The following AFF2 variants were observed in gnomAD, a reference collection of about 807,000 sequenced individuals.
The protein encoded by AFF2 is AF4/FMR2 family member 2.
A neutral mutation model predicts 76.9 loss-of-function variants in AFF2; 14 were observed. That is an observed-to-expected ratio of 0.18 (90% CI 0.12 to 0.28). AFF2 has a LOEUF of 0.28. Among genes scored for constraint, AFF2 ranks in the 10% least tolerant of loss-of-function variants. The pLI is 1.00. For missense variants in AFF2, 868 were observed against 1,001.1 expected (o/e 0.87, Z 1.79); for synonymous variants, 398 against 366.7 (o/e 1.09, Z -0.98).
chrX:148,689,081 C>A (rs1407986633), intron 3 of AFF2, among the ~76,000 whole-genome samples: 1 of 111,772 alleles, frequency 8.9e-6, no homozygotes, highest in African/African-American at 3.3e-5. Flanking sequence ...GAAGCTAGAA[C>A]ACTGAGACAA....
intron 1 of AFF2, among the ~76,000 whole-genome samples, chrX:148,503,309 T>C (rs2052373813): frequency 9.0e-6 from 1 of 111,594 alleles, no homozygotes; most frequent in Admixed American, 9.4e-5. Context: ...TGAGTGGAAA[T>C]TGGTACCTTT....
chrX:148,891,131 C>T (rs1557279691), intron 8 of AFF2, among the ~76,000 whole-genome samples: 1 of 111,480 alleles, frequency 9.0e-6, no homozygotes, highest in African/African-American at 3.3e-5. Context: ...CATTTTCAAG[C>T]CAGTCCTCCA....
chrX:148,882,269 A>T lies in AFF2; in HGVS notation c.1263-3620A>T, dbSNP rs781898476. Among the ~76,000 whole-genome samples the T allele has an allele frequency of 7.2e-5, 8 of 111,777 alleles. No individual in the cohort carries two copies. In the South Asian group the frequency reaches 3.0e-3, roughly 42 times the overall value. On this transcript the variant is annotated intron_variant, in intron 7 of 20. Transcript: ENST00000370460. The stretch of plus-strand genomic sequence containing the variant: ...GAAGCTCAGAAAATCAAGGACAAAG[A>T]TCTTCTTTTGGTCCATTCCATCTCA...
intron 4 of AFF2, among the ~76,000 whole-genome samples, chrX:148,833,395 G>T (rs1214197946): frequency 7.2e-5 from 8 of 111,020 alleles, no homozygotes; most frequent in African/African-American, 2.3e-4. Flanking sequence ...AAGGTCAGGA[G>T]TTTGAGACTA....
At chrX:148,859,561 G>A (rs782748299) in intron 7 of AFF2, among the ~76,000 whole-genome samples, 1 of 110,115 alleles carries the variant, frequency 9.1e-6, no homozygotes, top group East Asian at 2.8e-4. Context: ...AAGATGCCAT[G>A]TTTCTATAAA....
chrX:148,616,125 C>G (rs1257595149), intron 1 of AFF2, among the ~76,000 whole-genome samples: 1 of 111,558 alleles, frequency 9.0e-6, no homozygotes, highest in African/African-American at 3.2e-5. Context: ...ATCCCCTGCC[C>G]CTCCTCAATG....
At chrX:148,827,333 T>C (rs139769632) in intron 4 of AFF2, among the ~76,000 whole-genome samples, 1,813 of 112,131 alleles carry the variant, frequency 0.016, 12 homozygotes, top group Middle Eastern at 0.06. Flanking sequence ...ATTACCATTT[T>C]TCTTAACGTG....
intron 1 of AFF2, among the ~76,000 whole-genome samples, chrX:148,638,350 G>C (rs1349878535): frequency 9.0e-6 from 1 of 110,867 alleles, no homozygotes; most frequent in Non-Finnish European, 1.9e-5. Context: ...TGTCTTACAT[G>C]GTGGCCCGGA....
At chrX:148,966,274 G>C (rs544253439) in intron 13 of AFF2, among the ~76,000 whole-genome samples, 1 of 111,589 alleles carries the variant, frequency 9.0e-6, no homozygotes, top group African/African-American at 3.3e-5. Flanking sequence ...CAATTTCCTA[G>C]TATTTTGCTG....
In AFF2 at chrX:148,973,559, A is replaced by G; in HGVS notation, c.3356A>G (p.Glu1119Gly). ...AATGCCATGGAACGCGACCCTCTGG[A>G]AGCAAAGTCCCCATACACCATGTAC... is the stretch of plus-strand genomic sequence containing the variant. Reference protein sequence around the residue: ...CGNAMERDPLEAKSPYTMYSE... With the variant: ...CGNAMERDPLGAKSPYTMYSE... Residue 1119 changes from glutamate to glycine, a missense_variant, in exon 16 of 21, where the codon GAA (glutamate) becomes GGA (glycine). This residue lies in a region of AFF2 where 57 missense variants were observed against 117.8 expected (regional missense o/e 0.48). Coordinates refer to ENST00000370460, the MANE Select transcript of AFF2 (RefSeq NM_002025.4). 8.3e-7 allele frequency: 1 copy of G among 1,211,537 alleles called. No individual in the cohort carries two copies. Among genetic ancestry groups the G allele is most frequent in the Non-Finnish European group, 1.1e-6 (1 of 895,197 alleles).
At position 148,956,119 on chromosome X, in the gene AFF2, C is replaced by T. The variant is rs1557287280; in HGVS notation, c.2074C>T (p.Pro692Ser). The T allele has an allele frequency of 5.0e-6, 6 of 1,208,244 alleles. No individual in the cohort carries two copies. The African/African-American group carries it at 7.1e-5, about 14-fold the overall frequency. Residue 692 changes from proline (P) to serine (S), a missense_variant, in exon 11 of 21, where the codon CCC (proline) becomes TCC (serine). Around this residue, in one of 6 missense-constraint regions of AFF2, gnomAD observed 532 missense variants for 564.2 expected, o/e 0.94. Transcript: ENST00000370460. Reference protein sequence around the residue: ...KEPRPNIPLAPEKKKYRGPGK... With the variant: ...KEPRPNIPLASEKKKYRGPGK... Reference sequence around the variant, plus strand: ...ACCAAGACCTAACATCCCTTTGGCTCCCGAGAAGAAGAAGTACAGAGGGCC... The same window carrying T: ...ACCAAGACCTAACATCCCTTTGGCTTCCGAGAAGAAGAAGTACAGAGGGCC...
At chrX:148,596,300 C>G (rs782693836) in intron 1 of AFF2, among the ~76,000 whole-genome samples, 1 of 111,821 alleles carries the variant, frequency 8.9e-6, no homozygotes, top group East Asian at 2.8e-4. Flanking sequence ...CAATCAAACA[C>G]CAATGAAATG....
chrX:148,753,984 G>C (rs1246893544), intron 3 of AFF2, among the ~76,000 whole-genome samples: 1 of 111,149 alleles, frequency 9.0e-6, no homozygotes, highest in Non-Finnish European at 1.9e-5. Context: ...CCAATATTTA[G>C]GCAAATTCTT....
intron 3 of AFF2, among the ~76,000 whole-genome samples, chrX:148,664,085 G>T (rs2054334609): frequency 9.0e-6 from 1 of 111,180 alleles, no homozygotes; most frequent in African/African-American, 3.3e-5. Context: ...TGCTGTGAGA[G>T]CCCCTCTTGA....
chrX:148,806,351 C>T (rs943819908), intron 3 of AFF2, among the ~76,000 whole-genome samples: 2 of 112,246 alleles, frequency 1.8e-5, no homozygotes, highest in African/African-American at 6.5e-5. Flanking sequence ...GGCCCCATCA[C>T]TTCTCAGCCA....
At chrX:148,849,651 C>T (rs973451351) in intron 7 of AFF2, among the ~76,000 whole-genome samples, 1 of 111,054 alleles carries the variant, frequency 9.0e-6, no homozygotes, top group Admixed American at 9.5e-5. Context: ...CTACTATGTG[C>T]CAGGCACTTC....
intron 1 of AFF2, among the ~76,000 whole-genome samples, chrX:148,518,860 A>G (rs1299564410): frequency 2.7e-5 from 3 of 112,026 alleles, no homozygotes; most frequent in Non-Finnish European, 5.6e-5. Context: ...GTTTAGAAAT[A>G]TATGACTTAA....
intron 4 of AFF2, among the ~76,000 whole-genome samples, chrX:148,828,526 A>C: frequency 8.9e-6 from 1 of 112,447 alleles, no homozygotes; most frequent in African/African-American, 3.2e-5. Context: ...ACAAAGACAA[A>C]GGTCTTAATA....
intron 7 of AFF2, among the ~76,000 whole-genome samples, chrX:148,858,629 C>A (rs2070812157): frequency 9.0e-6 from 1 of 110,983 alleles, no homozygotes; most frequent in Admixed American, 9.6e-5. Flanking sequence ...TTATAATGTA[C>A]AACATACAAA....
Sources: gnomAD v4.1 joint callset for allele counts (sites outside exome capture counted in the v4.1 genomes callset) on GRCh38, gnomAD v4.1.1 for gene constraint, gnomAD v4.1.1 regional missense constraint, MANE v1.5 for transcripts, NCBI Gene and HGNC (gene_info 2026-07-23, HGNC 2026-07-21) for gene names.